Variants in MGAT5 observed in about 807,000 individuals in gnomAD.
MGAT5 encodes alpha-1,6-mannosylglycoprotein 6-beta-N-acetylglucosaminyltransferase A.
In MGAT5, 30 loss-of-function variants were observed where a neutral mutation model predicts 94.3. The observed-to-expected ratio is 0.32, with a 90% CI of 0.24 to 0.43. The LOEUF is 0.43. Ranked by LOEUF, MGAT5 falls within the 20% of genes least tolerant of loss-of-function variation. The probability of loss-of-function intolerance (pLI) is 1.00; values close to 1 mark genes in which losing one functional copy is unlikely to be tolerated. For missense variants in MGAT5, 691 were observed against 905.5 expected, an observed-to-expected ratio of 0.76 and a Z score of 3.04; for synonymous variants, 310 against 322.9, an observed-to-expected ratio of 0.96 and a Z score of 0.43.
chr2:134,267,700 T>C (rs74330573), intron 1 of MGAT5, among the ~76,000 whole-genome samples: 9,747 of 152,250 alleles, frequency 0.064, 426 homozygotes, highest in Middle Eastern at 0.18. Flanking sequence ...CCAATAACAA[T>C]GGATTGAGGG....
chr2:134,163,278 A>C (rs781282346), intron 1 of MGAT5, among the ~76,000 whole-genome samples: 4 of 152,212 alleles, frequency 2.6e-5, no homozygotes, highest in Non-Finnish European at 4.4e-5. Flanking sequence ...CTTGGGGGCC[A>C]GGGTTTGATC....
chr2:134,204,792 T>A (rs574346624), intron 1 of MGAT5, among the ~76,000 whole-genome samples: 1 of 152,316 alleles, frequency 6.6e-6, no homozygotes, highest in East Asian at 1.9e-4. Flanking sequence ...GGAAAAGCCC[T>A]GCCCTCAGTG....
chr2:134,341,789 CAG>C (rs1267570892), intron 7 of MGAT5, 30 bp downstream of exon 7: 1 of 1,567,458 alleles, frequency 6.4e-7, no homozygotes, highest in African/African-American at 1.4e-5. Flanking sequence ...ATTTTAAAAT[CAG>C]AATACAAAAA....
intron 1 of MGAT5, among the ~76,000 whole-genome samples, chr2:134,225,373 A>G (rs1170796962): frequency 6.6e-6 from 1 of 152,198 alleles, no homozygotes; most frequent in Non-Finnish European, 1.5e-5. Flanking sequence ...CACGAGTCAC[A>G]CAAGAGTGAT....
At chr2:134,191,151 T>C (rs1235092621) in intron 1 of MGAT5, among the ~76,000 whole-genome samples, 1 of 152,166 alleles carries the variant, frequency 6.6e-6, no homozygotes, top group Non-Finnish European at 1.5e-5. Context: ...CCAGTACCTG[T>C]TGTGATTGTG....
intron 1 of MGAT5, among the ~76,000 whole-genome samples, chr2:134,200,392 G>C (rs2105278506): frequency 6.6e-6 from 1 of 152,312 alleles, no homozygotes; most frequent in South Asian, 2.1e-4. Context: ...TCTCATGTCT[G>C]CAGTGATGCT....
At chr2:134,405,300 C>T (rs970778515) in intron 11 of MGAT5, among the ~76,000 whole-genome samples, 6 of 152,092 alleles carry the variant, frequency 3.9e-5, no homozygotes, top group Non-Finnish European at 8.8e-5. Context: ...AACTGGGACC[C>T]GTGTAGAGGA....
intron 1 of MGAT5, among the ~76,000 whole-genome samples, chr2:134,143,170 T>C (rs1686740168): frequency 6.6e-6 from 1 of 152,034 alleles, no homozygotes; most frequent in Admixed American, 6.6e-5. Context: ...TGATTAGTGT[T>C]GCTGGGGGCA....
At chr2:134,132,395 A>T (rs1456625051) in intron 1 of MGAT5, among the ~76,000 whole-genome samples, 1 of 152,220 alleles carries the variant, frequency 6.6e-6, no homozygotes, top group Admixed American at 6.5e-5. Flanking sequence ...CACATATGGA[A>T]GTAGGTAACA....
chr2:134,165,060 G>A (rs760366278), intron 1 of MGAT5, among the ~76,000 whole-genome samples: 9 of 152,342 alleles, frequency 5.9e-5, no homozygotes, highest in Non-Finnish European at 1.0e-4. Context: ...GGTGATGGAA[G>A]TGTTCTGTAT....
intron 1 of MGAT5, among the ~76,000 whole-genome samples, chr2:134,214,940 C>G (rs992450250): frequency 6.6e-6 from 1 of 152,146 alleles, no homozygotes; most frequent in Non-Finnish European, 1.5e-5. Context: ...TTCAGAAGCC[C>G]CCTCATGTCC....
At chr2:134,188,786 A>G (rs1450785199) in intron 1 of MGAT5, among the ~76,000 whole-genome samples, 1 of 152,086 alleles carries the variant, frequency 6.6e-6, no homozygotes, top group Non-Finnish European at 1.5e-5. Context: ...GGCTGTTCCC[A>G]CTTCAGATGC....
chr2:134,248,561 T>C (rs2105479647), intron 1 of MGAT5, among the ~76,000 whole-genome samples: 3 of 152,346 alleles, frequency 2.0e-5, no homozygotes, highest in African/African-American at 7.2e-5. Flanking sequence ...TGAAGGTTAC[T>C]GTACAGGATG....
At chr2:134,202,844 A>C (rs1422908857) in intron 1 of MGAT5, among the ~76,000 whole-genome samples, 2 of 152,078 alleles carry the variant, frequency 1.3e-5, no homozygotes, top group South Asian at 2.1e-4. Context: ...ATTCTCCCCC[A>C]AAAAATCAAT....
intron 1 of MGAT5, among the ~76,000 whole-genome samples, chr2:134,220,203 G>T (rs1465220593): frequency 6.6e-6 from 1 of 152,088 alleles, no homozygotes; most frequent in Non-Finnish European, 1.5e-5. Context: ...TATGCTCTTC[G>T]ATGGAAAACT....
rs145880507 is a variant in MGAT5, at chr2:134,311,068, T to C, written c.407-6461T>C. On this transcript the variant is annotated intron_variant, in intron 2 of 15. Coordinates refer to ENST00000281923, the MANE Select transcript of MGAT5 (RefSeq NM_002410.5). ...AGAATTGCTGGAGAACTTTATCTTT[T>C]GAGAGAAAATATCTTTAGAGTGTCA... 4.7e-4 allele frequency among the ~76,000 whole-genome samples: 72 copies of C among 152,334 alleles called. 1 individual carries two copies. The East Asian group carries it at 0.014, about 29-fold the overall frequency.
At chr2:134,356,755 A>G (rs1458589464) in intron 9 of MGAT5, among the ~76,000 whole-genome samples, 1 of 152,100 alleles carries the variant, frequency 6.6e-6, no homozygotes, top group Admixed American at 6.6e-5. Flanking sequence ...TTTCTTGAGT[A>G]GAATAGGCAC....
intron 1 of MGAT5, among the ~76,000 whole-genome samples, chr2:134,222,354 A>C (rs191453749): frequency 2.0e-5 from 3 of 152,326 alleles, no homozygotes; most frequent in Admixed American, 6.5e-5. Context: ...CAGAAAAAAA[A>C]ACCCCTGCGT....
intron 1 of MGAT5, among the ~76,000 whole-genome samples, chr2:134,153,299 C>T (rs1246012692): frequency 1.3e-5 from 2 of 152,186 alleles, no homozygotes; most frequent in Non-Finnish European, 2.9e-5. Flanking sequence ...ATATTGATCC[C>T]CTTAAGCCCT....
Sources: allele counts gnomAD v4.1 joint callset (sites outside exome capture counted in the v4.1 genomes callset), GRCh38; gene constraint gnomAD v4.1.1; transcripts MANE v1.5; gene names NCBI Gene and HGNC (gene_info 2026-07-23, HGNC 2026-07-21).